The following SLC25A13 variants were observed in gnomAD, a reference collection of about 807,000 sequenced individuals.
The protein encoded by SLC25A13 is solute carrier family 25 member 13.
A neutral mutation model predicts 85.5 loss-of-function variants in SLC25A13; 70 were observed. The ratio of observed to expected loss-of-function variants is 0.82; its 90% CI spans 0.68 to 1.00. SLC25A13 has a LOEUF of 1.00. Among genes scored for constraint, SLC25A13 ranks in the 50% least tolerant of loss-of-function variants. SLC25A13 has a pLI of 0.00. For missense variants in SLC25A13, 765 were observed against 819.8 expected, an observed-to-expected ratio of 0.93 and a Z score of 0.82; for synonymous variants, 259 against 288.7, an observed-to-expected ratio of 0.90 and a Z score of 1.04.
At chr7:96,235,792 A>T (rs1046655020) in intron 3 of SLC25A13, among the ~76,000 whole-genome samples, 1 of 152,202 alleles carries the variant, frequency 6.6e-6, no homozygotes, top group Non-Finnish European at 1.5e-5. Flanking sequence ...TTCTCTAGGA[A>T]AAAGGAGTGA....
At chr7:96,230,299 G>A (rs145783005) in intron 4 of SLC25A13, among the ~76,000 whole-genome samples, 125 of 152,294 alleles carry the variant, frequency 8.2e-4, no homozygotes, top group African/African-American at 2.8e-3. Context: ...AGTGATAAAT[G>A]TCAGTTGTTA....
chr7:96,286,191 G>A (rs1466348045), intron 2 of SLC25A13, among the ~76,000 whole-genome samples: 1 of 151,440 alleles, frequency 6.6e-6, no homozygotes, highest in Non-Finnish European at 1.5e-5. Flanking sequence ...GGCTGAGGCA[G>A]GAGGATGGCA....
At chr7:96,145,628 T>C (rs971941221) in intron 14 of SLC25A13, among the ~76,000 whole-genome samples, 9 of 152,110 alleles carry the variant, frequency 5.9e-5, no homozygotes, top group Admixed American at 4.6e-4. Flanking sequence ...AACAATATCA[T>C]ACATAAAAGT....
chr7:96,207,541 C>A (rs1283656533), intron 5 of SLC25A13, among the ~76,000 whole-genome samples: 1 of 152,048 alleles, frequency 6.6e-6, no homozygotes, highest in Non-Finnish European at 1.5e-5. Context: ...TGTAAACATA[C>A]CAAATGAGTC....
At chr7:96,314,118 AGAAGGAGGAAG>A (rs1304268918) in intron 1 of SLC25A13, among the ~76,000 whole-genome samples, 4 of 152,084 alleles carry the variant, frequency 2.6e-5, no homozygotes, top group Admixed American at 1.3e-4. Context: ...AGGAGGAGGA[AGAAGGAGGAAG>A]GAAGGAGGAG....
At chr7:96,131,613 A>C in intron 15 of SLC25A13, 130 bp downstream of exon 15, 1 of 1,184,444 alleles carries the variant, frequency 8.4e-7, no homozygotes, top group Non-Finnish European at 1.2e-6. Context: ...GTAGCTCTTC[A>C]ATCTCTAGCA....
At chr7:96,277,369 T>C (rs1798497541) in intron 2 of SLC25A13, 31 bp from the exon 3 acceptor site, 1 of 1,582,704 alleles carries the variant, frequency 6.3e-7, no homozygotes, top group Non-Finnish European at 8.6e-7. Context: ...CAGTATTTTA[T>C]ATATTTGATT....
At chr7:96,165,971 C>T (rs1368959085) in intron 13 of SLC25A13, among the ~76,000 whole-genome samples, 1 of 152,176 alleles carries the variant, frequency 6.6e-6, no homozygotes, top group Non-Finnish European at 1.5e-5. Flanking sequence ...GACAAACTGG[C>T]ATAAACACAT....
At chr7:96,138,210 C>T (rs930536404) in intron 14 of SLC25A13, among the ~76,000 whole-genome samples, 1 of 152,104 alleles carries the variant, frequency 6.6e-6, no homozygotes, top group African/African-American at 2.4e-5. Flanking sequence ...TTCTGGCTTC[C>T]ACTGTTGCCA....
intron 15 of SLC25A13, among the ~76,000 whole-genome samples, chr7:96,127,506 T>TA (rs1234738792): frequency 6.6e-6 from 1 of 152,208 alleles, no homozygotes; most frequent in African/African-American, 2.4e-5. Flanking sequence ...CCACTTTTGC[T>TA]AAAAAGCTAC....
chr7:96,310,056 G>A (rs530110204), intron 1 of SLC25A13, among the ~76,000 whole-genome samples: 1 of 152,150 alleles, frequency 6.6e-6, no homozygotes, highest in East Asian at 1.9e-4. Flanking sequence ...AACTTGCTGG[G>A]GTCTCCATCT....
intron 4 of SLC25A13, among the ~76,000 whole-genome samples, chr7:96,211,772 A>C (rs1241232215): frequency 6.6e-6 from 1 of 152,192 alleles, no homozygotes; most frequent in Non-Finnish European, 1.5e-5. Context: ...CTGAGAAACT[A>C]TTCAACAGTC....
At chr7:96,159,764 T>C (rs1008458914) in intron 13 of SLC25A13, among the ~76,000 whole-genome samples, 5 of 152,176 alleles carry the variant, frequency 3.3e-5, no homozygotes, top group African/African-American at 7.2e-5. Flanking sequence ...ATTAACAATA[T>C]TGAAAAGATA....
intron 3 of SLC25A13, among the ~76,000 whole-genome samples, chr7:96,268,606 G>A (rs1211726277): frequency 6.6e-6 from 1 of 152,148 alleles, no homozygotes; most frequent in Non-Finnish European, 1.5e-5. Context: ...TAAAACAGTG[G>A]AATGCAGGGA....
In SLC25A13 at chr7:96,240,092, C is replaced by G. The variant is rs181623747; in HGVS notation, c.213-5175G>C. 3.3e-5 allele frequency among the ~76,000 whole-genome samples: 5 copies of G among 152,290 alleles called. No homozygotes were observed. The East Asian group carries it at 9.7e-4, about 29-fold the overall frequency. ...CGTAACTTTAGGTCCCTCCTCCCCC[C>G]AGCTTTGCAAGGGATAGCACTTAGC... On this transcript the variant is annotated intron_variant, in intron 3 of 17. Transcript: ENST00000265631.
At chr7:96,160,453 T>C (rs1457041288) in intron 13 of SLC25A13, among the ~76,000 whole-genome samples, 4 of 152,304 alleles carry the variant, frequency 2.6e-5, no homozygotes, top group Admixed American at 1.3e-4. Flanking sequence ...ATAAACAACA[T>C]AAATTCATTT....
chr7:96,316,551 T>C (rs1480075793), intron 1 of SLC25A13, among the ~76,000 whole-genome samples: 1 of 152,182 alleles, frequency 6.6e-6, no homozygotes, highest in Non-Finnish European at 1.5e-5. Context: ...GCAGAGACTC[T>C]GAAGACACAT....
chr7:96,321,654 C>T (rs1800348865), intron 1 of SLC25A13, among the ~76,000 whole-genome samples: 1 of 152,150 alleles, frequency 6.6e-6, no homozygotes, highest in Non-Finnish European at 1.5e-5. Flanking sequence ...TCCTCCTCGT[C>T]GGCCCTGGCT....
At chr7:96,153,147 G>C (rs574322424) in intron 13 of SLC25A13, among the ~76,000 whole-genome samples, 3 of 152,326 alleles carry the variant, frequency 2.0e-5, no homozygotes, top group African/African-American at 7.2e-5. Flanking sequence ...ATTTGCTTTA[G>C]TGACATACAG....
Sources: gnomAD v4.1 joint callset for allele counts (sites outside exome capture counted in the v4.1 genomes callset) on GRCh38, gnomAD v4.1.1 for gene constraint, MANE v1.5 for transcripts, NCBI Gene and HGNC (gene_info 2026-07-23, HGNC 2026-07-21) for gene names.